Variants in IL1RAPL1 observed in about 807,000 individuals in gnomAD.
The protein encoded by IL1RAPL1 is interleukin 1 receptor accessory protein like 1, also known as interleukin-1 receptor accessory protein-like 1.
IL1RAPL1 carries 3 observed loss-of-function variants against 48.4 expected under a neutral mutation model. The ratio of observed to expected loss-of-function variants is 0.06; its 90% confidence interval spans 0.03 to 0.16. The LOEUF (loss-of-function observed/expected upper bound fraction) is 0.16, where lower values mean the gene tolerates loss of function less well. IL1RAPL1 is among the 10% of genes least tolerant of loss of function. The pLI, the probability that IL1RAPL1 is intolerant of heterozygous loss-of-function variation, is 1.00. For synonymous variants in IL1RAPL1, 185 were observed against 187.7 expected (o/e 0.99, Z 0.12); for missense variants, 349 against 530.6 (o/e 0.66, Z 3.36).
intron 6 of IL1RAPL1, among the ~76,000 whole-genome samples, chrX:29,837,275 AT>A (rs1569182669): frequency 0.026 from 1,181 of 44,809 alleles, 21 homozygotes; most frequent in Non-Finnish European, 0.047. Context: ...AAAAAAAAAT[AT>A]ATATATATAT....
chrX:29,591,983 G>A (rs958087208), intron 5 of IL1RAPL1, among the ~76,000 whole-genome samples: 4 of 111,754 alleles, frequency 3.6e-5, no homozygotes, highest in African/African-American at 1.3e-4. Flanking sequence ...AGGCTGGCAG[G>A]CAGCAGAGTG....
chrX:29,766,693 T>TA (rs1362187046), intron 6 of IL1RAPL1, among the ~76,000 whole-genome samples: 7 of 60,791 alleles, frequency 1.2e-4, no homozygotes, highest in African/African-American at 6.9e-4. Context: ...AAAGTATATA[T>TA]TAATATATAA....
intron 5 of IL1RAPL1, among the ~76,000 whole-genome samples, chrX:29,423,774 C>T (rs1397802911): frequency 9.0e-6 from 1 of 111,283 alleles, no homozygotes; most frequent in Non-Finnish European, 1.9e-5. Flanking sequence ...CTCTAAGCAC[C>T]TTGCATATAC....
chrX:28,826,815 T>C (rs1242617676), intron 2 of IL1RAPL1, among the ~76,000 whole-genome samples: 1 of 110,429 alleles, frequency 9.1e-6, no homozygotes, highest in Non-Finnish European at 1.9e-5. Flanking sequence ...CAGACATGGA[T>C]GTTTTAGCTC....
intron 1 of IL1RAPL1, among the ~76,000 whole-genome samples, chrX:28,611,710 A>G (rs1934149346): frequency 8.8e-6 from 1 of 112,995 alleles, no homozygotes; most frequent in African/African-American, 3.2e-5. Flanking sequence ...TCTGTTTTTC[A>G]AACTGCAAAG....
At chrX:29,185,295 A>G (rs1426401068) in intron 2 of IL1RAPL1, among the ~76,000 whole-genome samples, 1 of 111,905 alleles carries the variant, frequency 8.9e-6, no homozygotes, top group Non-Finnish European at 1.9e-5. Context: ...TAAATTTCCA[A>G]TGATGTCTAT....
At chrX:29,042,926 G>C (rs1926878792) in intron 2 of IL1RAPL1, among the ~76,000 whole-genome samples, 1 of 111,709 alleles carries the variant, frequency 9.0e-6, no homozygotes, top group Non-Finnish European at 1.9e-5. Flanking sequence ...AGTGTATATA[G>C]ATTTTTAATT....
Position 29,617,920 on chromosome X carries a change from C to T in IL1RAPL1, c.704-50510C>T, listed in dbSNP as rs764002563. Among the ~76,000 whole-genome samples, 10 of 111,765 alleles carry T rather than the reference C, an allele frequency of 8.9e-5. No individual in the cohort carries two copies. In the South Asian group the frequency reaches 3.7e-3, roughly 42 times the overall value. ...AGCTCTCAAATAAGAATGGTGTCAC[C>T]TGCTGCTGGTTCAGCGGCACTGCAA... On this transcript the variant is annotated intron_variant, in intron 5 of 10. Coordinates refer to ENST00000378993, the MANE Select transcript of IL1RAPL1 (RefSeq NM_014271.4).
chrX:29,266,862 C>G (rs1429686898), intron 2 of IL1RAPL1, among the ~76,000 whole-genome samples: 1 of 111,552 alleles, frequency 9.0e-6, no homozygotes, highest in Non-Finnish European at 1.9e-5. Context: ...CTACCTTAAG[C>G]CTTTTGTTTA....
intron 2 of IL1RAPL1, among the ~76,000 whole-genome samples, chrX:28,848,305 A>G (rs1336598444): frequency 2.7e-5 from 3 of 111,623 alleles, no homozygotes; most frequent in Non-Finnish European, 5.6e-5. Context: ...CGTTCTGCAC[A>G]TGTATCCCAG....
At chrX:28,968,119 G>A (rs1569210110) in intron 2 of IL1RAPL1, among the ~76,000 whole-genome samples, 1 of 111,435 alleles carries the variant, frequency 9.0e-6, no homozygotes. Context: ...AAGTCTCTTA[G>A]GTAAAGATCT....
intron 2 of IL1RAPL1, among the ~76,000 whole-genome samples, chrX:29,236,545 CTTTTTTTTTTTTTTTTT>C (rs754996544): frequency 0.41 from 26,431 of 63,720 alleles, 4,438 homozygotes; most frequent in Non-Finnish European, 0.55. Context: ...CTTTTTTTTT[CTTTTTTTTTTTTTTTTT>C]TTTTTTTTGA....
intron 5 of IL1RAPL1, among the ~76,000 whole-genome samples, chrX:29,553,590 G>A (rs1921891180): frequency 8.9e-6 from 1 of 111,744 alleles, no homozygotes; most frequent in Admixed American, 9.5e-5. Flanking sequence ...GAAAACCAGA[G>A]GGAGCTGGAG....
At chrX:29,245,307 G>A (rs1244742720) in intron 2 of IL1RAPL1, among the ~76,000 whole-genome samples, 1 of 110,849 alleles carries the variant, frequency 9.0e-6, no homozygotes, top group Non-Finnish European at 1.9e-5. Flanking sequence ...GGGATTACTG[G>A]GTCAAATGAT....
chrX:29,870,421 C>T (rs1412647928), intron 6 of IL1RAPL1, among the ~76,000 whole-genome samples: 1 of 111,206 alleles, frequency 9.0e-6, no homozygotes, highest in Non-Finnish European at 1.9e-5. Context: ...GACATGAGAT[C>T]CAGGTGCTGA....
At chrX:28,782,809 C>T (rs1163554717) in intron 1 of IL1RAPL1, among the ~76,000 whole-genome samples, 3 of 111,579 alleles carry the variant, frequency 2.7e-5, no homozygotes, top group Non-Finnish European at 5.7e-5. Flanking sequence ...TTATTTTTAT[C>T]CCCAATCATC....
At chrX:29,060,490 A>G (rs964474758) in intron 2 of IL1RAPL1, among the ~76,000 whole-genome samples, 3 of 111,686 alleles carry the variant, frequency 2.7e-5, no homozygotes, top group Non-Finnish European at 5.7e-5. Flanking sequence ...TAGAATTCTT[A>G]CTCCAATGGA....
intron 1 of IL1RAPL1, among the ~76,000 whole-genome samples, chrX:28,706,259 AG>A (rs1296010431): frequency 8.9e-6 from 1 of 112,200 alleles, no homozygotes; most frequent in African/African-American, 3.2e-5. Context: ...TTTGCTATGC[AG>A]GTTTGTAGCA....
At chrX:29,292,344 C>G (rs1394072317) in intron 3 of IL1RAPL1, among the ~76,000 whole-genome samples, 2 of 111,475 alleles carry the variant, frequency 1.8e-5, no homozygotes, top group Non-Finnish European at 3.8e-5. Context: ...TGACAATTTT[C>G]TGTCTTTTGA....
Sources: gnomAD v4.1 joint callset for allele counts (sites outside exome capture counted in the v4.1 genomes callset) on GRCh38, gnomAD v4.1.1 for gene constraint, MANE v1.5 for transcripts, NCBI Gene and HGNC (gene_info 2026-07-23, HGNC 2026-07-21) for gene names.